PCDH15: variants seen among roughly 807,000 people sequenced by gnomAD.
PCDH15 encodes protocadherin related 15, also known as protocadherin-15.
A neutral mutation model predicts 178.5 loss-of-function variants in PCDH15; 129 were observed. The ratio of observed to expected loss-of-function variants is 0.72; its 90% CI spans 0.63 to 0.84. The LOEUF is 0.84. Ranked by LOEUF, PCDH15 falls within the 40% of genes least tolerant of loss-of-function variation. The probability of loss-of-function intolerance (pLI) is 0.00; values close to 1 mark genes in which losing one functional copy is unlikely to be tolerated. For synonymous variants in PCDH15, 800 were observed against 732.0 expected, an observed-to-expected ratio of 1.09 and a Z score of -1.50; for missense variants, 2,230 against 2,099.9, an observed-to-expected ratio of 1.06 and a Z score of -1.21.
At chr10:54,663,064 A>C (rs921049011) in intron 2 of PCDH15, among the ~76,000 whole-genome samples, 31 of 152,066 alleles carry the variant, frequency 2.0e-4, no homozygotes, top group African/African-American at 7.5e-4. Context: ...TATGAAAGGG[A>C]ATATACTATT....
intron 2 of PCDH15, among the ~76,000 whole-genome samples, chr10:54,911,820 TC>T (rs1282328767): frequency 1.3e-5 from 2 of 152,128 alleles, no homozygotes; most frequent in Non-Finnish European, 2.9e-5. Flanking sequence ...GTGCCTTGTT[TC>T]CCTTCACCTT....
At chr10:55,183,958 T>C (rs1040464281) in intron 1 of PCDH15, among the ~76,000 whole-genome samples, 8 of 151,956 alleles carry the variant, frequency 5.3e-5, no homozygotes, top group African/African-American at 1.4e-4. Context: ...AAAATATAAA[T>C]GGATTGAGAA....
intron 2 of PCDH15, among the ~76,000 whole-genome samples, chr10:55,154,661 T>A (rs955486890): frequency 6.6e-6 from 1 of 152,148 alleles, no homozygotes; most frequent in African/African-American, 2.4e-5. Context: ...TATAGTGCTA[T>A]AGACCACTCT....
intron 2 of PCDH15, among the ~76,000 whole-genome samples, chr10:55,415,290 A>G (rs1838452080): frequency 6.6e-6 from 1 of 151,692 alleles, no homozygotes. Context: ...TATATTTCAG[A>G]GTAGAAATCC....
At chr10:55,167,688 G>C (rs930972261) in intron 1 of PCDH15, among the ~76,000 whole-genome samples, 3 of 152,078 alleles carry the variant, frequency 2.0e-5, no homozygotes, top group African/African-American at 4.8e-5. Context: ...TACAGAAATA[G>C]ATGGAAATAG....
chr10:55,270,974 A>G (rs1280512186), intron 1 of PCDH15, among the ~76,000 whole-genome samples: 1 of 152,158 alleles, frequency 6.6e-6, no homozygotes, highest in Admixed American at 6.5e-5. Context: ...GAATGAAATC[A>G]TGTGCTTCAC....
intron 2 of PCDH15, among the ~76,000 whole-genome samples, chr10:54,902,760 T>G (rs1454762982): frequency 6.6e-6 from 1 of 152,184 alleles, no homozygotes; most frequent in East Asian, 1.9e-4. Flanking sequence ...CTGCTCTAGA[T>G]AAATAAATTC....
chr10:54,609,754 C>T (rs1365868688), intron 2 of PCDH15, among the ~76,000 whole-genome samples: 1 of 151,884 alleles, frequency 6.6e-6, no homozygotes, highest in Non-Finnish European at 1.5e-5. Context: ...CTCCCTCTCC[C>T]AAATTAATTT....
chr10:54,775,364 A>T (rs1566204679), intron 1 of PCDH15, among the ~76,000 whole-genome samples: 2 of 152,216 alleles, frequency 1.3e-5, no homozygotes, highest in South Asian at 2.1e-4. Context: ...TTATTGACAC[A>T]TAATAGTTAT....
chr10:55,400,104 T>C (rs1049791280), intron 2 of PCDH15, among the ~76,000 whole-genome samples: 4 of 152,150 alleles, frequency 2.6e-5, no homozygotes, highest in African/African-American at 9.6e-5. Context: ...TCTTGTTACA[T>C]GCACACCTCA....
chr10:54,741,392 T>A (rs1397488073), intron 1 of PCDH15, among the ~76,000 whole-genome samples: 1 of 151,934 alleles, frequency 6.6e-6, no homozygotes, highest in Non-Finnish European at 1.5e-5. Context: ...ATTTTTCATT[T>A]ACAGATGAGG....
intron 2 of PCDH15, among the ~76,000 whole-genome samples, chr10:55,062,084 A>G (rs1229200674): frequency 6.6e-6 from 1 of 152,194 alleles, no homozygotes; most frequent in African/African-American, 2.4e-5. Context: ...GCTGCAATGG[A>G]CTAATCTTTC....
intron 3 of PCDH15, among the ~76,000 whole-genome samples, chr10:54,817,531 C>T (rs1474781807): frequency 6.6e-6 from 1 of 151,930 alleles, no homozygotes. Flanking sequence ...TGTGACCTCG[C>T]CCATCACCTC....
chr10:54,526,938 T>G (rs986290113), intron 3 of PCDH15, among the ~76,000 whole-genome samples: 10 of 148,926 alleles, frequency 6.7e-5, no homozygotes, highest in Non-Finnish European at 1.2e-4. Flanking sequence ...AAGGTCACTT[T>G]CTAATAAGGC....
intron 3 of PCDH15, among the ~76,000 whole-genome samples, chr10:54,404,230 A>C (rs1264934641): frequency 1.3e-5 from 2 of 152,030 alleles, no homozygotes; most frequent in East Asian, 3.9e-4. Context: ...CTAAGCAAAA[A>C]ATACAGAGCT....
intron 2 of PCDH15, among the ~76,000 whole-genome samples, chr10:54,528,741 GA>G (rs1216302970): frequency 6.6e-6 from 1 of 151,960 alleles, no homozygotes. Flanking sequence ...TCTGTATGCT[GA>G]AAAAACTTTA....
chr10:55,404,053 TA>T (rs1838137438), intron 2 of PCDH15, among the ~76,000 whole-genome samples: 2 of 151,944 alleles, frequency 1.3e-5, no homozygotes, highest in South Asian at 4.1e-4. Context: ...TGGATGCTAA[TA>T]AAAAAGAGCA....
At chr10:55,314,193 T>TCG (rs1843663020) in intron 1 of PCDH15, among the ~76,000 whole-genome samples, 1 of 123,564 alleles carries the variant, frequency 8.1e-6, no homozygotes, top group African/African-American at 3.8e-5. Flanking sequence ...TTATATATGT[T>TCG]TGTGTGTATA....
chr10:54,950,145 GTAATTTA>G (rs1484404487), intron 2 of PCDH15, among the ~76,000 whole-genome samples: 1 of 151,996 alleles, frequency 6.6e-6, no homozygotes, highest in Non-Finnish European at 1.5e-5. Context: ...CTGAGACTGG[GTAATTTA>G]TAAAGAAAAG....
Sources: allele counts gnomAD v4.1 joint callset (sites outside exome capture counted in the v4.1 genomes callset), GRCh38; gene constraint gnomAD v4.1.1; transcripts MANE v1.5; gene names NCBI Gene and HGNC (gene_info 2026-07-23, HGNC 2026-07-21).